The following SPATA31H1 variants were observed in gnomAD, a reference collection of about 807,000 sequenced individuals.
SPATA31H1 encodes SPATA31 subfamily H member 1, also known as spermatogenesis-associated protein 31H1.
the SPATA31H1 span, among the ~76,000 whole-genome samples, chr2:27,557,925 A>G: frequency 5.6e-3 from 9 of 1,612 alleles, no homozygotes; most frequent in Non-Finnish European, 7.3e-3. Flanking sequence ...TGACCCCCCC[A>G]CCTCCCTCCC....
At chr2:27,575,739 C>T in the SPATA31H1 span, 6 of 398,410 alleles carry the variant, frequency 1.5e-5, no homozygotes, top group Non-Finnish European at 2.2e-5. This position sits in a 1 kb window ranked among gnomAD's most constrained non-coding sequence, Gnocchi z 4.1. Flanking sequence ...AGCACCTAAA[C>T]TTCAGTGTAT....
At chr2:27,545,645 G>C in the SPATA31H1 span, among the ~76,000 whole-genome samples, 1 of 144,274 alleles carries the variant, frequency 6.9e-6, no homozygotes, top group African/African-American at 2.6e-5. Flanking sequence ...ATGCTATCTT[G>C]GTTCACGCAA....
chr2:27,548,086 A>C, the SPATA31H1 span, among the ~76,000 whole-genome samples: 1 of 142,704 alleles, frequency 7.0e-6, no homozygotes, highest in Non-Finnish European at 1.5e-5. Context: ...GGTTCACGCC[A>C]TTCTCCTGCC....
At chr2:27,556,837 G>A in the SPATA31H1 span, among the ~76,000 whole-genome samples, 1 of 113,768 alleles carries the variant, frequency 8.8e-6, no homozygotes, top group South Asian at 3.3e-4. Flanking sequence ...GGTTTTCCTA[G>A]GCAGAGGACC....
At chr2:27,577,162 T>C in the SPATA31H1 span, 1 of 1,614,058 alleles carries the variant, frequency 6.2e-7, no homozygotes. The surrounding 1 kb of genome is among the most constrained non-coding windows in gnomAD (Gnocchi z 4.5). Context: ...GGGATGCTGC[T>C]GCAGCCAGAT....
chr2:27,549,382 A>C, the SPATA31H1 span, among the ~76,000 whole-genome samples: 1 of 151,646 alleles, frequency 6.6e-6, no homozygotes, highest in Non-Finnish European at 1.5e-5. Context: ...TGTGTTGTCC[A>C]GGCTGAAGTG....
the SPATA31H1 span, chr2:27,579,767 C>G: frequency 6.2e-7 from 1 of 1,614,066 alleles, no homozygotes; most frequent in Non-Finnish European, 8.5e-7. Context: ...AGTCCCAACA[C>G]TCCCTCAAGC....
chr2:27,582,419 G>T, the SPATA31H1 span: 55 of 1,614,088 alleles, frequency 3.4e-5, no homozygotes, highest in Admixed American at 3.0e-4. Flanking sequence ...CTGGAGAGAG[G>T]CCCAGCCATA....
chr2:27,553,898 G>C, the SPATA31H1 span, among the ~76,000 whole-genome samples: 1 of 151,702 alleles, frequency 6.6e-6, no homozygotes, highest in Non-Finnish European at 1.5e-5. Context: ...CTCCAGCCTG[G>C]GCAACAAGAA....
the SPATA31H1 span, among the ~76,000 whole-genome samples, chr2:27,537,818 A>G: frequency 1.3e-5 from 2 of 152,164 alleles, no homozygotes; most frequent in Non-Finnish European, 2.9e-5. Flanking sequence ...CATAACTGGA[A>G]AGAGAATGTG....
the SPATA31H1 span, among the ~76,000 whole-genome samples, chr2:27,542,819 G>A: frequency 7.2e-5 from 11 of 152,158 alleles, no homozygotes; most frequent in African/African-American, 2.4e-4. Flanking sequence ...CATACAGTCT[G>A]GGAGTGGTGG....
chr2:27,580,923 C>A, the SPATA31H1 span: 119 of 1,614,108 alleles, frequency 7.4e-5, no homozygotes, highest in Non-Finnish European at 9.9e-5. Flanking sequence ...CCAACCCAGA[C>A]CTCTTCGACT....
the SPATA31H1 span, among the ~76,000 whole-genome samples, chr2:27,552,482 T>C: frequency 6.6e-6 from 1 of 152,090 alleles, no homozygotes; most frequent in Non-Finnish European, 1.5e-5. Context: ...CACACTGTTT[T>C]GATTACTACA....
At chr2:27,581,606 T>A in the SPATA31H1 span, 1 of 1,591,724 alleles carries the variant, frequency 6.3e-7, no homozygotes, top group Non-Finnish European at 8.5e-7. Context: ...AGAGGAGCCA[T>A]CGCGGTCCCT....
At chr2:27,539,101 C>CTTTT in the SPATA31H1 span, among the ~76,000 whole-genome samples, 177 of 94,448 alleles carry the variant, frequency 1.9e-3, no homozygotes, top group Non-Finnish European at 2.4e-3. Context: ...TCATCATTTT[C>CTTTT]TTTTTTTTTT....
chr2:27,541,816 C>T, the SPATA31H1 span, among the ~76,000 whole-genome samples: 1 of 152,032 alleles, frequency 6.6e-6, no homozygotes, highest in South Asian at 2.1e-4. Flanking sequence ...CTCCCTCTGT[C>T]ACCCAGGCTG....
At chr2:27,580,875 T>G in the SPATA31H1 span, 1 of 1,614,104 alleles carries the variant, frequency 6.2e-7, no homozygotes, top group Non-Finnish European at 8.5e-7. Flanking sequence ...AACGGTCCAG[T>G]GCAGATCAGC....
At chr2:27,582,682 G>A in the SPATA31H1 span, 2 of 702,674 alleles carry the variant, frequency 2.8e-6, no homozygotes, top group Non-Finnish European at 4.8e-6. Flanking sequence ...GTGAGAATGG[G>A]TCTGTAATTT....
the SPATA31H1 span, among the ~76,000 whole-genome samples, chr2:27,541,554 C>T: frequency 1.3e-5 from 2 of 151,686 alleles, no homozygotes; most frequent in African/African-American, 4.9e-5. Context: ...AATGAACGAA[C>T]GACTTCTCAG....
Sources: allele counts gnomAD v4.1 joint callset (sites outside exome capture counted in the v4.1 genomes callset), GRCh38; gene constraint gnomAD v4.1.1; non-coding constraint Gnocchi (gnomAD v3.1); transcripts MANE v1.5; gene names NCBI Gene and HGNC (gene_info 2026-07-23, HGNC 2026-07-21).